Variants in NWD2 observed in about 807,000 individuals in gnomAD.
NWD2 encodes NACHT and WD repeat domain containing 2, also known as NACHT and WD repeat domain-containing protein 2.
A neutral mutation model predicts 132.7 loss-of-function variants in NWD2; 37 were observed. The ratio of observed to expected loss-of-function variants is 0.28; its 90% CI spans 0.21 to 0.37. The LOEUF is 0.37. Ranked by LOEUF, NWD2 falls within the 10% of genes least tolerant of loss-of-function variation. NWD2 has a pLI of 1.00. For synonymous variants in NWD2, 705 were observed against 803.0 expected (o/e 0.88, Z 2.06); for missense variants, 1,592 against 2,122.4 (o/e 0.75, Z 4.91).
chr4:37,283,721 A>G (rs1718173327), intron 1 of NWD2, among the ~76,000 whole-genome samples: 1 of 152,166 alleles, frequency 6.6e-6, no homozygotes, highest in African/African-American at 2.4e-5. Flanking sequence ...TTTGACCAAG[A>G]TTTTTCTTGA....
At chr4:37,359,828 G>A (rs1719944020) in intron 3 of NWD2, among the ~76,000 whole-genome samples, 1 of 150,348 alleles carries the variant, frequency 6.7e-6, no homozygotes, top group African/African-American at 2.4e-5. Flanking sequence ...TGCAAGCTGT[G>A]CTGTAATTCT....
chr4:37,413,768 A>G (rs1327294894), intron 3 of NWD2, among the ~76,000 whole-genome samples: 47 of 152,218 alleles, frequency 3.1e-4, no homozygotes, highest in Admixed American at 3.1e-3. Context: ...TGGTACATAT[A>G]CACCATGGAA....
Position 37,430,584 on chromosome 4 carries a change from G to A in NWD2, c.370G>A (p.Glu124Lys). The part of the protein sequence containing the change: ...AGPCFVGLLG[E>K]KYGNIRIPGE... ...TGTTGATACACAGGGACTATTAGGT[G>A]AAAAATATGGGAATATCCGAATCCC... The change falls in exon 4 of 7, where the codon GAA becomes AAA. Residue 124 changes from glutamate to lysine, a missense_variant. Physicochemically the swap from Glu to Lys is moderately conservative, Grantham distance 56 (BLOSUM62 1). Coordinates refer to ENST00000309447, the MANE Select transcript of NWD2 (RefSeq NM_001144990.2). The A allele has an allele frequency of 1.9e-6, 3 of 1,551,406 alleles. No homozygotes were observed. Among genetic ancestry groups the A allele is most frequent in the Non-Finnish European group, 2.6e-6 (3 of 1,146,766 alleles).
At chr4:37,264,878 T>C (rs1036658660) in intron 1 of NWD2, among the ~76,000 whole-genome samples, 13 of 152,174 alleles carry the variant, frequency 8.5e-5, no homozygotes, top group Admixed American at 7.9e-4. Flanking sequence ...AAGTAAAATG[T>C]AGAGTCTGCT....
At position 37,443,562 on chromosome 4, in the gene NWD2, C is replaced by T; in HGVS notation, c.1574C>T (p.Ala525Val). Residue 525 changes from alanine to valine, a missense_variant, in exon 7 of 7, where the codon GCC (alanine) becomes GTC (valine). Ala to Val is a moderately conservative substitution (Grantham distance 64). Transcript: ENST00000309447. The surrounding 1 kb of genome is among the most constrained non-coding windows in gnomAD (Gnocchi z 4.1). Reference protein sequence around the residue: ...ALEQLSENDDARKLWWLPAHL... With the variant: ...ALEQLSENDDVRKLWWLPAHL... ...GAGCAGCTCTCAGAGAATGATGATG[C>T]CAGGAAGCTTTGGTGGCTCCCAGCT... is the stretch of plus-strand genomic sequence containing the variant. 1 of 1,551,756 alleles carries T rather than the reference C, an allele frequency of 6.4e-7. No individual in the cohort carries two copies. Among genetic ancestry groups the T allele is most frequent in the Non-Finnish European group, 8.7e-7 (1 of 1,147,008 alleles).
chr4:37,305,721 G>A lies in NWD2; in HGVS notation c.152-20215G>A, dbSNP rs534882247. On this transcript the variant is annotated intron_variant, in intron 1 of 6. Transcript: ENST00000309447. Reference sequence around the variant, plus strand: ...TCTTTTTGATGTGCTGTTTGATTTCGTTTGCTAGTATTTTGTTGGGGATTT... The same window carrying A: ...TCTTTTTGATGTGCTGTTTGATTTCATTTGCTAGTATTTTGTTGGGGATTT... 1.7e-4 allele frequency among the ~76,000 whole-genome samples: 26 copies of A among 152,166 alleles called. No individual in the cohort carries two copies. The South Asian group carries it at 2.5e-3, about 15-fold the overall frequency.
chr4:37,431,477 C>G (rs888125666), intron 4 of NWD2, among the ~76,000 whole-genome samples: 2 of 152,102 alleles, frequency 1.3e-5, no homozygotes, highest in African/African-American at 4.8e-5. Context: ...ACGTTGAGTT[C>G]ATGGTAACAG....
At chr4:37,351,004 C>CCCTG (rs1426362433) in intron 2 of NWD2, among the ~76,000 whole-genome samples, 1 of 151,942 alleles carries the variant, frequency 6.6e-6, no homozygotes, top group East Asian at 1.9e-4. Flanking sequence ...GTATGTTGAA[C>CCCTG]CAGCCTTGCA....
chr4:37,259,489 C>T (rs1354337984), intron 1 of NWD2, among the ~76,000 whole-genome samples: 1 of 152,148 alleles, frequency 6.6e-6, no homozygotes, highest in Non-Finnish European at 1.5e-5. Context: ...GTGTCTTCCT[C>T]GTGACCTGAG....
intron 3 of NWD2, among the ~76,000 whole-genome samples, chr4:37,373,010 G>A (rs890563634): frequency 6.6e-6 from 1 of 152,196 alleles, no homozygotes; most frequent in African/African-American, 2.4e-5. Context: ...CTAAATCAAG[G>A]AGGAAATTCA....
chr4:37,447,192 G>A lies in NWD2; in HGVS notation c.5204G>A (p.Gly1735Asp), dbSNP rs749252162. Residue 1735 changes from glycine (G) to aspartate (D), a missense_variant, in exon 7 of 7, where the codon GGC becomes GAC. Coordinates refer to ENST00000309447, the MANE Select transcript of NWD2 (RefSeq NM_001144990.2). ...GTATGCTCGGCCCTAGAAGCCAGGG[G>A]CCACAGCTATGCCCCTGATAACTGA... The part of the protein sequence containing the change: ...ERVCSALEAR[G>D]HSYAPDN 6 of 1,550,996 alleles carry A rather than the reference G, an allele frequency of 3.9e-6. No homozygotes were observed. In the Middle Eastern group the frequency reaches 8.3e-4, roughly 216 times the overall value.
At chr4:37,321,202 T>G (rs1329407874) in intron 1 of NWD2, among the ~76,000 whole-genome samples, 1 of 152,150 alleles carries the variant, frequency 6.6e-6, no homozygotes, top group African/African-American at 2.4e-5. Context: ...GCCTTTAGTT[T>G]GTTGAAGATA....
At chr4:37,276,813 G>T (rs997933011) in intron 1 of NWD2, among the ~76,000 whole-genome samples, 1 of 152,066 alleles carries the variant, frequency 6.6e-6, no homozygotes, top group African/African-American at 2.4e-5. Flanking sequence ...CATAGAAAAT[G>T]ATGAGTTCAT....
At position 37,348,581 on chromosome 4, in the gene NWD2, CTTTTTTTTTTTT is replaced by C. The variant is rs57331750; in HGVS notation, c.241-7774_241-7763del. Among the ~76,000 whole-genome samples the C allele has an allele frequency of 2.5e-4, 19 of 75,394 alleles. No homozygotes were observed. The South Asian group carries it at 6.5e-3, about 26-fold the overall frequency. 49.5% of individuals were successfully genotyped at this position (75,394 alleles called of 152,430 possible). On this transcript the variant is annotated intron_variant, in intron 2 of 6. Coordinates refer to ENST00000309447, the MANE Select transcript of NWD2 (RefSeq NM_001144990.2). The stretch of plus-strand genomic sequence containing the variant: ...TTGCCAACTTTTCTTTTTCCTTTTT[CTTTTTTTTTTTT>C]TTTTTTTTTTGTTGAATTTTAAGAT...
chr4:37,336,184 T>C (rs1719402855), intron 2 of NWD2, among the ~76,000 whole-genome samples: 1 of 152,210 alleles, frequency 6.6e-6, no homozygotes, highest in Non-Finnish European at 1.5e-5. Context: ...ATATTTCATA[T>C]TTTCATTCTT....
intron 1 of NWD2, among the ~76,000 whole-genome samples, chr4:37,304,989 T>C (rs1275347129): frequency 6.6e-6 from 1 of 152,208 alleles, no homozygotes; most frequent in Admixed American, 6.5e-5. Context: ...GCAGCAAACT[T>C]CTTCCTGGAC....
chr4:37,327,064 T>C (rs1341757822), intron 2 of NWD2, among the ~76,000 whole-genome samples: 2 of 152,164 alleles, frequency 1.3e-5, no homozygotes, highest in African/African-American at 2.4e-5. Flanking sequence ...TTGTCATGAA[T>C]TCAGCACTGC....
intron 1 of NWD2, among the ~76,000 whole-genome samples, chr4:37,280,309 C>G (rs953319939): frequency 6.6e-6 from 1 of 152,138 alleles, no homozygotes; most frequent in Non-Finnish European, 1.5e-5. Flanking sequence ...TACTCTAGTT[C>G]AGGATCTTGG....
intron 1 of NWD2, among the ~76,000 whole-genome samples, chr4:37,309,076 T>C: frequency 6.6e-6 from 1 of 152,278 alleles, no homozygotes; most frequent in East Asian, 1.9e-4. Context: ...TTGTCAGCAT[T>C]GGCAGGCCCT....
Sources: gnomAD v4.1 joint callset for allele counts (sites outside exome capture counted in the v4.1 genomes callset) on GRCh38, gnomAD v4.1.1 for gene constraint, Gnocchi (gnomAD v3.1) non-coding constraint, MANE v1.5 for transcripts, NCBI Gene and HGNC (gene_info 2026-07-23, HGNC 2026-07-21) for gene names.